The following AP1G1 variants were observed in gnomAD, a reference collection of about 807,000 sequenced individuals.
AP1G1 encodes adaptor related protein complex 1 subunit gamma 1.
In AP1G1, 7 loss-of-function variants were observed where a neutral mutation model predicts 108.3. The observed-to-expected ratio is 0.06, with a 90% CI of 0.04 to 0.12. The LOEUF (loss-of-function observed/expected upper bound fraction) is 0.12, where lower values mean the gene tolerates loss of function less well. Among genes scored for constraint, AP1G1 ranks in the 10% least tolerant of loss-of-function variants. The probability of loss-of-function intolerance (pLI) is 1.00; values close to 1 mark genes in which losing one functional copy is unlikely to be tolerated. For missense variants in AP1G1, 756 were observed against 1,010.7 expected (o/e 0.75, Z 3.42); for synonymous variants, 379 against 353.5 (o/e 1.07, Z -0.81).
chr16:71,759,708 G>A (rs948863465), intron 10 of AP1G1, among the ~76,000 whole-genome samples: 9 of 146,254 alleles, frequency 6.2e-5, no homozygotes, highest in Non-Finnish European at 1.1e-4. Context: ...TGCAGTCAGC[G>A]GAGATCGTGC....
intron 2 of AP1G1, among the ~76,000 whole-genome samples, chr16:71,786,359 C>G (rs1479831428): frequency 6.6e-6 from 1 of 152,122 alleles, no homozygotes; most frequent in African/African-American, 2.4e-5. Flanking sequence ...GGGACTGTGG[C>G]TTACACCTAT....
chr16:71,786,229 A>T (rs2032199039), intron 2 of AP1G1, among the ~76,000 whole-genome samples: 1 of 152,214 alleles, frequency 6.6e-6, no homozygotes, highest in African/African-American at 2.4e-5. Flanking sequence ...AGCACATTCT[A>T]TTTAAACATA....
At chr16:71,765,802 A>G (rs2031288330) in intron 6 of AP1G1, among the ~76,000 whole-genome samples, 1 of 152,228 alleles carries the variant, frequency 6.6e-6, no homozygotes, top group South Asian at 2.1e-4. Context: ...AAACCAAACC[A>G]GACTTTTTTA....
chr16:71,808,292 C>A (rs1201777625), intron 1 of AP1G1: 1 of 844,984 alleles, frequency 1.2e-6, no homozygotes, highest in East Asian at 7.6e-5. Context: ...TCCGAGAGGA[C>A]GGCACTGCAG....
intron 1 of AP1G1, among the ~76,000 whole-genome samples, chr16:71,790,375 T>C (rs2032355364): frequency 6.6e-6 from 1 of 151,970 alleles, no homozygotes; most frequent in Admixed American, 6.6e-5. Flanking sequence ...ACCCCATCTC[T>C]ACTAAAAATA....
intron 22 of AP1G1, 39 bp downstream of exon 22, chr16:71,734,570 C>T (rs563823773): frequency 2.0e-6 from 3 of 1,476,282 alleles, no homozygotes; most frequent in African/African-American, 2.8e-5. Context: ...AATATGCTTA[C>T]ACTTCGGCTC....
At chr16:71,750,465 A>G in intron 13 of AP1G1, 133 bp from the exon 14 acceptor site, 3 of 1,106,152 alleles carry the variant, frequency 2.7e-6, no homozygotes, top group East Asian at 5.2e-5. Flanking sequence ...CCCAGGCTGG[A>G]GTGCGATAGC....
At chr16:71,766,589 C>T (rs1393916614) in intron 6 of AP1G1, 6 of 304,886 alleles carry the variant, frequency 2.0e-5, no homozygotes, top group Non-Finnish European at 4.0e-5. Context: ...AAGTGAATTG[C>T]ATTCCATCTC....
intron 9 of AP1G1, 48 bp from the exon 10 acceptor site, chr16:71,761,615 T>C: frequency 1.4e-6 from 2 of 1,390,462 alleles, no homozygotes; most frequent in Non-Finnish European, 1.0e-6. Context: ...GGAAGTTTTA[T>C]ATTGTTTCCT....
intron 3 of AP1G1, among the ~76,000 whole-genome samples, chr16:71,773,812 G>A (rs866700046): frequency 3.7e-4 from 55 of 150,354 alleles, no homozygotes; most frequent in African/African-American, 1.2e-3. Context: ...GCGTGGTGGC[G>A]GGCGCCTATA....
At chr16:71,778,682 T>TA (rs11285281) in intron 2 of AP1G1, among the ~76,000 whole-genome samples, 3 of 127,640 alleles carry the variant, frequency 2.4e-5, no homozygotes, top group Non-Finnish European at 3.3e-5. Context: ...GATTCTGTCT[T>TA]AAAAAAAAAA....
Position 71,793,752 on chromosome 16 carries a change from T to C in AP1G1, c.-3-4270A>G, listed in dbSNP as rs2032484771. Reference sequence around the variant, plus strand: ...CAGGCTGGAGTGCAGTGGTGCGATCTCGGCTCACTGCAATCTCTGCCTCCT... The same window carrying C: ...CAGGCTGGAGTGCAGTGGTGCGATCCCGGCTCACTGCAATCTCTGCCTCCT... On this transcript the variant is annotated intron_variant, in intron 1 of 22. Coordinates refer to ENST00000299980, the MANE Select transcript of AP1G1 (RefSeq NM_001128.6). Among the ~76,000 whole-genome samples the C allele has an allele frequency of 3.3e-5, 5 of 152,150 alleles. 1 individual carries two copies. In the South Asian group the frequency reaches 1.0e-3, roughly 31 times the overall value.
At chr16:71,801,978 G>C (rs1208761331) in intron 1 of AP1G1, among the ~76,000 whole-genome samples, 1 of 151,082 alleles carries the variant, frequency 6.6e-6, no homozygotes, top group Non-Finnish European at 1.5e-5. Flanking sequence ...TTCAGATTTT[G>C]GATTTTAGGA....
At chr16:71,789,787 T>C (rs1597082098) in intron 1 of AP1G1, among the ~76,000 whole-genome samples, 1 of 152,322 alleles carries the variant, frequency 6.6e-6, no homozygotes, top group South Asian at 2.1e-4. Context: ...CAGAAACTAA[T>C]ACAACTCAAA....
chr16:71,749,965 C>A lies in AP1G1; in HGVS notation c.1426G>T (p.Ala476Ser). The change falls in exon 15 of 23, where the codon GCT becomes TCT. Residue 476 changes from alanine to serine, a missense_variant. This residue lies in a region of AP1G1 where 357 missense variants were observed against 366.5 expected (regional missense o/e 0.97). Transcript: ENST00000299980. ...DYSQQPLVQV[A>S]AWCIGEYGDL... ...CCATATTCACCTATACACCATGCAGCCACTTGTACCAAAGGTTGCTGTGAA... is the reference window on the plus strand; with the variant it reads ...CCATATTCACCTATACACCATGCAGACACTTGTACCAAAGGTTGCTGTGAA... 3.7e-6 allele frequency: 6 copies of A among 1,613,060 alleles called. No homozygotes were observed. Among genetic ancestry groups the A allele is most frequent in the Middle Eastern group, 1.6e-4 (1 of 6,062 alleles).
chr16:71,788,197 G>A (rs2032277125), intron 2 of AP1G1, among the ~76,000 whole-genome samples: 1 of 152,102 alleles, frequency 6.6e-6, no homozygotes. Context: ...GACCTAAACA[G>A]TAAATAAGCT....
In AP1G1 at chr16:71,738,953, C is replaced by A; in HGVS notation, c.2257G>T (p.Ala753Ser). ...AGACATTGTAGTACCTTTGGTACTG[C>A]AGCTTGGAAAACAAAGTCCGTCATA... ...LDMTDFVFQA[A>S]VPKTFQLQLL... Residue 753 changes from alanine to serine, a missense_variant, in exon 21 of 23, where the codon GCA becomes TCA. Physicochemically the swap from Ala to Ser is moderately conservative, Grantham distance 99. This residue lies in a region of AP1G1 where 95 missense variants were observed against 160.5 expected (regional missense o/e 0.59). Transcript: ENST00000299980. The A allele has an allele frequency of 6.2e-7, 1 of 1,613,692 alleles. No individual in the cohort carries two copies. The highest frequency in any genetic ancestry group is 8.5e-7 in the Non-Finnish European group (1 of 1,179,898).
At chr16:71,750,919 G>A (rs906519680) in intron 13 of AP1G1, among the ~76,000 whole-genome samples, 1 of 151,626 alleles carries the variant, frequency 6.6e-6, no homozygotes, top group African/African-American at 2.4e-5. Context: ...CACTTTGGGA[G>A]GCCAAGGCGG....
intron 6 of AP1G1, chr16:71,769,404 G>A (rs1163379662): frequency 2.0e-6 from 1 of 505,798 alleles, no homozygotes; most frequent in Non-Finnish European, 3.6e-6. Flanking sequence ...CCAACAATGA[G>A]AGAAGACTTC....
Sources: allele counts gnomAD v4.1 joint callset (sites outside exome capture counted in the v4.1 genomes callset), GRCh38; gene constraint gnomAD v4.1.1; regional missense constraint gnomAD v4.1.1; transcripts MANE v1.5; gene names NCBI Gene and HGNC (gene_info 2026-07-23, HGNC 2026-07-21).